The following FAF2 variants were observed in gnomAD, a reference collection of about 807,000 sequenced individuals.
The protein encoded by FAF2 is FAS-associated factor 2.
In FAF2, 9 loss-of-function variants were observed where a neutral mutation model predicts 62.3. The ratio of observed to expected loss-of-function variants is 0.14; its 90% CI spans 0.09 to 0.25. The LOEUF is 0.25. FAF2 is among the 10% of genes least tolerant of loss of function. FAF2 has a pLI of 1.00. For missense variants in FAF2, 368 were observed against 556.2 expected (o/e 0.66, Z 3.40); for synonymous variants, 202 against 198.0 (o/e 1.02, Z -0.17).
intron 4 of FAF2, among the ~76,000 whole-genome samples, chr5:176,491,481 A>G (rs993159820): frequency 1.3e-5 from 2 of 152,208 alleles, no homozygotes; most frequent in Non-Finnish European, 2.9e-5. Context: ...GCCCCTTTGA[A>G]GAGCAAGTAA....
chr5:176,491,590 A>ATTCT (rs1758970784), intron 4 of FAF2, among the ~76,000 whole-genome samples: 1 of 152,120 alleles, frequency 6.6e-6, no homozygotes, highest in Non-Finnish European at 1.5e-5. Flanking sequence ...CAGAAAGGAG[A>ATTCT]AGGAGGGGCA....
intron 1 of FAF2, among the ~76,000 whole-genome samples, chr5:176,449,749 A>G (rs998952523): frequency 6.6e-6 from 1 of 152,234 alleles, no homozygotes. Context: ...AAATGTGTAA[A>G]TATTCATTTA....
intron 1 of FAF2, among the ~76,000 whole-genome samples, chr5:176,474,697 C>A (rs1447209183): frequency 1.3e-5 from 2 of 152,204 alleles, no homozygotes; most frequent in African/African-American, 4.8e-5. Flanking sequence ...ATCTTTCATT[C>A]AGATCTCTGC....
At chr5:176,452,047 G>C (rs1333666026) in intron 1 of FAF2, among the ~76,000 whole-genome samples, 1 of 148,452 alleles carries the variant, frequency 6.7e-6, no homozygotes, top group East Asian at 2.0e-4. Context: ...GACTAGAAGT[G>C]CCTGGCTAAT....
At chr5:176,455,448 C>CAA (rs545479171) in intron 1 of FAF2, among the ~76,000 whole-genome samples, 3 of 144,594 alleles carry the variant, frequency 2.1e-5, no homozygotes, top group African/African-American at 7.6e-5. Context: ...GACCCTGTCT[C>CAA]AAAAAAAAAA....
intron 10 of FAF2, among the ~76,000 whole-genome samples, chr5:176,503,280 T>G (rs1052643331): frequency 2.6e-5 from 4 of 151,744 alleles, no homozygotes; most frequent in African/African-American, 9.7e-5. Flanking sequence ...GTCGGCCGGG[T>G]GCAGTGGCTC....
chr5:176,468,325 C>G (rs1016357041), intron 1 of FAF2, among the ~76,000 whole-genome samples: 19 of 152,164 alleles, frequency 1.2e-4, no homozygotes, highest in African/African-American at 4.1e-4. Context: ...TGGCTCATGC[C>G]TATAATCCCA....
chr5:176,487,016 A>G (rs890849557), intron 3 of FAF2, among the ~76,000 whole-genome samples: 4 of 152,226 alleles, frequency 2.6e-5, no homozygotes, highest in African/African-American at 7.2e-5. Context: ...TACACTGATA[A>G]TGAATTCTAA....
intron 1 of FAF2, among the ~76,000 whole-genome samples, chr5:176,468,320 C>T (rs1758507007): frequency 1.3e-5 from 2 of 152,298 alleles, no homozygotes; most frequent in Non-Finnish European, 2.9e-5. Flanking sequence ...CGCAGTGGCT[C>T]ATGCCTATAA....
intron 1 of FAF2, among the ~76,000 whole-genome samples, chr5:176,465,235 T>C (rs1041310336): frequency 6.6e-6 from 1 of 152,110 alleles, no homozygotes; most frequent in Non-Finnish European, 1.5e-5. Context: ...AAACCCTTTG[T>C]CCATAGAGAA....
chr5:176,506,836 C>G lies in FAF2; in HGVS notation c.1224C>G (p.Pro408=). The change falls in exon 11 of 11, where the codon CCC becomes CCG. Residue 408 remains proline (P), a synonymous_variant. Coordinates refer to ENST00000261942, the MANE Select transcript of FAF2 (RefSeq NM_014613.3). ...PEKFQIEANF[P]RRVLPCIPSE... The stretch of plus-strand genomic sequence containing the variant: ...AGTTTCAGATTGAAGCCAATTTTCC[C>G]AGGCGAGTGCTGCCCTGCATCCCTT... The G allele has an allele frequency of 6.2e-7, 1 of 1,614,040 alleles. No individual in the cohort carries two copies. Among genetic ancestry groups the G allele is most frequent in the Non-Finnish European group, 8.5e-7 (1 of 1,179,990 alleles).
intron 10 of FAF2, among the ~76,000 whole-genome samples, chr5:176,506,400 T>G (rs1359155367): frequency 6.6e-6 from 1 of 152,158 alleles, no homozygotes. Flanking sequence ...GCCATGTGTC[T>G]TACAGTTAGC....
chr5:176,491,392 C>A (rs1208865386), intron 4 of FAF2, among the ~76,000 whole-genome samples: 2 of 152,214 alleles, frequency 1.3e-5, no homozygotes, highest in Non-Finnish European at 2.9e-5. Context: ...TACTCCACAT[C>A]TGCCAGGGTA....
chr5:176,475,841 A>C (rs1436349526), intron 1 of FAF2, among the ~76,000 whole-genome samples: 1 of 151,936 alleles, frequency 6.6e-6, no homozygotes, highest in Admixed American at 6.6e-5. Context: ...TCAGCTGAGG[A>C]GCTTTAAGAA....
intron 7 of FAF2, 21 bp from the exon 8 acceptor site, chr5:176,496,465 T>C (rs1755485012): frequency 1.3e-6 from 2 of 1,541,514 alleles, no homozygotes; most frequent in Non-Finnish European, 1.7e-6. Context: ...CTGCCCTTGA[T>C]CTGTTGGGTC....
intron 1 of FAF2, among the ~76,000 whole-genome samples, chr5:176,474,030 G>A (rs896395385): frequency 1.3e-5 from 2 of 152,236 alleles, no homozygotes; most frequent in African/African-American, 4.8e-5. Flanking sequence ...TAGAAACCAA[G>A]TTCTAGGCAT....
chr5:176,459,008 T>A (rs1167029290), intron 1 of FAF2, among the ~76,000 whole-genome samples: 1 of 152,148 alleles, frequency 6.6e-6, no homozygotes, highest in Admixed American at 6.6e-5. Flanking sequence ...GTCATAATAA[T>A]AAAATAATTT....
intron 1 of FAF2, among the ~76,000 whole-genome samples, chr5:176,471,475 C>T (rs1156593206): frequency 6.7e-6 from 1 of 149,112 alleles, no homozygotes; most frequent in African/African-American, 2.5e-5. Context: ...CTCTGCCTCC[C>T]GGGTTCAAGT....
chr5:176,490,168 G>A (rs1166558016), intron 4 of FAF2, among the ~76,000 whole-genome samples: 1 of 151,974 alleles, frequency 6.6e-6, no homozygotes, highest in Non-Finnish European at 1.5e-5. Context: ...AAAATTAGCC[G>A]GGCGCGGTGG....
Sources: gnomAD v4.1 joint callset for allele counts (sites outside exome capture counted in the v4.1 genomes callset) on GRCh38, gnomAD v4.1.1 for gene constraint, MANE v1.5 for transcripts, NCBI Gene and HGNC (gene_info 2026-07-23, HGNC 2026-07-21) for gene names.